The following COLGALT2 variants were observed in gnomAD, a reference collection of about 807,000 sequenced individuals.
The protein encoded by COLGALT2 is procollagen galactosyltransferase 2.
A neutral mutation model predicts 73.4 loss-of-function variants in COLGALT2; 49 were observed. That is an observed-to-expected ratio of 0.67 (90% confidence interval 0.53 to 0.85). The LOEUF is 0.85. Among genes scored for constraint, COLGALT2 ranks in the 40% least tolerant of loss-of-function variants. COLGALT2 has a pLI of 0.00. For synonymous variants in COLGALT2, 295 were observed against 307.6 expected (o/e 0.96, Z 0.43); for missense variants, 722 against 790.2 (o/e 0.91, Z 1.03).
At chr1:183,960,954 T>C (rs955301483) in intron 6 of COLGALT2, among the ~76,000 whole-genome samples, 1 of 152,230 alleles carries the variant, frequency 6.6e-6, no homozygotes, top group African/African-American at 2.4e-5. Flanking sequence ...TTCTAGGCAC[T>C]ATGCAAAGTG....
chr1:184,036,407 C>A (rs1649677616), intron 1 of COLGALT2, among the ~76,000 whole-genome samples: 1 of 152,212 alleles, frequency 6.6e-6, no homozygotes, highest in South Asian at 2.1e-4. Flanking sequence ...CTTCGTCTCT[C>A]CCCGGGACGT....
intron 1 of COLGALT2, among the ~76,000 whole-genome samples, chr1:183,982,443 C>T (rs144544807): frequency 4.0e-4 from 61 of 152,320 alleles, no homozygotes; most frequent in Middle Eastern, 3.4e-3. Flanking sequence ...AGTCTAACCA[C>T]TGGTCTCGTG....
chr1:183,952,713 T>C (rs183419912), intron 7 of COLGALT2, among the ~76,000 whole-genome samples: 131 of 152,328 alleles, frequency 8.6e-4, no homozygotes, highest in African/African-American at 3.1e-3. Context: ...TTTGAAGAAA[T>C]TGTCCACCTG....
chr1:183,989,769 T>C (rs780722367), intron 1 of COLGALT2, among the ~76,000 whole-genome samples: 8 of 152,254 alleles, frequency 5.3e-5, no homozygotes, highest in Non-Finnish European at 8.8e-5. Context: ...AACTCTGTAA[T>C]CTTAATGAAT....
At position 183,936,965 on chromosome 1, in the gene COLGALT2, C is replaced by T. The variant is rs1177264008; in HGVS notation, c.*1796G>A. On this transcript the variant is annotated 3_prime_UTR_variant, in exon 12 of 12. Coordinates refer to ENST00000361927, the MANE Select transcript of COLGALT2 (RefSeq NM_015101.4). ...CCCTCACCTGGGGAGATGAGGCTGC[C>T]TTGACTACCTATTTGGTGATGAGAC... is the stretch of plus-strand genomic sequence containing the variant. 5 of 1,231,646 alleles carry T rather than the reference C, an allele frequency of 4.1e-6. No individual in the cohort carries two copies. The African/African-American group carries it at 7.8e-5, about 19-fold the overall frequency. 76.3% of individuals were successfully genotyped at this position (1,231,646 alleles called of 1,614,324 possible). A position where few individuals can be genotyped will look rare whatever the true frequency, so the allele number is the denominator to read the frequency against.
At chr1:184,028,040 T>G (rs1051033777) in intron 1 of COLGALT2, among the ~76,000 whole-genome samples, 19 of 152,168 alleles carry the variant, frequency 1.2e-4, no homozygotes, top group African/African-American at 4.6e-4. Context: ...AAATCCTGAT[T>G]CCACTTGGCA....
chr1:183,932,906 T>C (rs1669876433), downstream of COLGALT2, among the ~76,000 whole-genome samples: 1 of 152,148 alleles, frequency 6.6e-6, no homozygotes, highest in Non-Finnish European at 1.5e-5. Flanking sequence ...GGTACCCCCT[T>C]CTGTGTCTGT....
At chr1:183,991,436 A>ACTG (rs1671625658) in intron 1 of COLGALT2, among the ~76,000 whole-genome samples, 1 of 152,184 alleles carries the variant, frequency 6.6e-6, no homozygotes, top group Non-Finnish European at 1.5e-5. Context: ...CAAAGAGAAA[A>ACTG]AGTATAAATT....
chr1:183,965,760 A>G (rs1222968515), intron 5 of COLGALT2, among the ~76,000 whole-genome samples: 1 of 151,016 alleles, frequency 6.6e-6, no homozygotes, highest in Non-Finnish European at 1.5e-5. Flanking sequence ...CTAAGCAAAA[A>G]AGGCAATTAT....
At chr1:183,976,616 T>G (rs1671198098) in intron 2 of COLGALT2, among the ~76,000 whole-genome samples, 2 of 152,160 alleles carry the variant, frequency 1.3e-5, no homozygotes, top group Non-Finnish European at 2.9e-5. Flanking sequence ...CTTGTTCTTA[T>G]TTGTTCATCC....
chr1:183,963,945 T>TGCAGTGTCTG lies in COLGALT2; in HGVS notation c.898_907dup (p.Gln303ProfsTer16). 1 of 1,612,888 alleles carries TGCAGTGTCTG rather than the reference T, an allele frequency of 6.2e-7. No homozygotes were observed. The highest frequency in any genetic ancestry group is 8.5e-7 in the Non-Finnish European group (1 of 1,179,414). ...ATGGATGAGGTTCTCGATGTCTTCCTGCAGTGTCTGATGGGGCTTCAGGGG... is the reference window on the plus strand; with the variant it reads ...ATGGATGAGGTTCTCGATGTCTTCCTGCAGTGTCTGGCAGTGTCTGATGGGGCTTCAGGGG... On this transcript the variant is annotated frameshift_variant, in exon 6 of 12. Coordinates refer to ENST00000361927, the MANE Select transcript of COLGALT2 (RefSeq NM_015101.4). LOFTEE classifies it high-confidence loss of function.
intron 1 of COLGALT2, among the ~76,000 whole-genome samples, chr1:184,035,776 TA>T (rs61373909): frequency 0.081 from 12,313 of 151,798 alleles, 570 homozygotes; most frequent in Non-Finnish European, 0.11. Flanking sequence ...CCGAAGTGGT[TA>T]AAAAAAAATC....
chr1:183,975,062 T>C, intron 3 of COLGALT2, 35 bp downstream of exon 3: 1 of 1,443,992 alleles, frequency 6.9e-7, no homozygotes, highest in Non-Finnish European at 9.7e-7. Flanking sequence ...ACACCTGAGA[T>C]GACAGTTGTC....
intron 5 of COLGALT2, among the ~76,000 whole-genome samples, chr1:183,965,546 T>C (rs2378793): frequency 0.71 from 108,487 of 152,060 alleles, 39,142 homozygotes; most frequent in East Asian, 0.85. Context: ...ATAAACAACA[T>C]GAACAGGAGA....
chr1:183,940,216 T>C (rs1391859004), intron 11 of COLGALT2, among the ~76,000 whole-genome samples: 1 of 152,204 alleles, frequency 6.6e-6, no homozygotes, highest in South Asian at 2.1e-4. Context: ...CAGTACCCAA[T>C]GACCTGAGCC....
In COLGALT2 at chr1:183,969,437, G is replaced by C. The variant is rs373361853; in HGVS notation, c.664C>G (p.Arg222Gly). Residue 222 changes from arginine (R) to glycine (G), a missense_variant, in exon 5 of 12, where the codon CGA (arginine) becomes GGA (glycine). Transcript: ENST00000361927. The part of the protein sequence containing the change: ...YKRTPDYVQI[R>G]EWKRTGCFPV... ...AAGCAGCCTGTCCTCTTCCATTCTC[G>C]AATCTGAACGTAGTCTGGGGTCCTC... 2 of 1,613,254 alleles carry C rather than the reference G, an allele frequency of 1.2e-6. No homozygotes were observed. Among genetic ancestry groups the C allele is most frequent in the Non-Finnish European group, 1.7e-6 (2 of 1,179,658 alleles).
At chr1:183,943,438 A>G (rs1670167470) in intron 10 of COLGALT2, among the ~76,000 whole-genome samples, 1 of 152,036 alleles carries the variant, frequency 6.6e-6, no homozygotes. Context: ...AAAGAAAATG[A>G]GAGAGAGAAA....
Position 183,937,098 on chromosome 1 carries a change from T to A in COLGALT2, c.*1663A>T, listed in dbSNP as rs1346120078. The stretch of plus-strand genomic sequence containing the variant: ...GAAGAATTAGGTGTCTGGCTTAAAG[T>A]GTATCTTACACTCGTACACTAAGCT... On this transcript the variant is annotated 3_prime_UTR_variant, in exon 12 of 12. Coordinates refer to ENST00000361927, the MANE Select transcript of COLGALT2 (RefSeq NM_015101.4). 8.1e-7 allele frequency: 1 copy of A among 1,230,962 alleles called. No individual in the cohort carries two copies. 76.3% of individuals were successfully genotyped at this position (1,230,962 alleles called of 1,614,324 possible). A position where few individuals can be genotyped will look rare whatever the true frequency, so the allele number is the denominator to read the frequency against.
intron 1 of COLGALT2, among the ~76,000 whole-genome samples, chr1:184,021,243 T>C (rs943346875): frequency 1.3e-5 from 2 of 152,194 alleles, no homozygotes; most frequent in Non-Finnish European, 2.9e-5. Context: ...AAAAAACTCA[T>C]TAAAGCTTTC....
Sources: allele counts gnomAD v4.1 joint callset (sites outside exome capture counted in the v4.1 genomes callset), GRCh38; gene constraint gnomAD v4.1.1; transcripts MANE v1.5; gene names NCBI Gene and HGNC (gene_info 2026-07-23, HGNC 2026-07-21).